The following TMEM132C variants were observed in gnomAD, a reference collection of about 807,000 sequenced individuals.
TMEM132C encodes the protein protein phosphatase 1, regulatory subunit 152.
Under a neutral mutation model 61.4 loss-of-function variants are expected in TMEM132C, and 29 were observed. That is an observed-to-expected ratio of 0.47 (90% CI 0.35 to 0.64). TMEM132C has a LOEUF of 0.64. Ranked by LOEUF, TMEM132C falls within the 30% of genes least tolerant of loss-of-function variation. The pLI is 0.00. For missense variants in TMEM132C, 1,408 were observed against 1,476.9 expected (o/e 0.95, Z 0.76); for synonymous variants, 656 against 633.1 (o/e 1.04, Z -0.54).
At chr12:128,667,948 G>A (rs891583915) in intron 4 of TMEM132C, among the ~76,000 whole-genome samples, 2 of 152,186 alleles carry the variant, frequency 1.3e-5, no homozygotes, top group South Asian at 4.1e-4. Flanking sequence ...ACAGAGGAAG[G>A]CACTTTGCTT....
At chr12:128,584,559 T>C (rs1875467337) in intron 3 of TMEM132C, among the ~76,000 whole-genome samples, 1 of 152,204 alleles carries the variant, frequency 6.6e-6, no homozygotes, top group Admixed American at 6.5e-5. Flanking sequence ...CTGCGAATGG[T>C]CTGTAGGGTT....
At chr12:128,325,016 T>C (rs1291647190) in intron 1 of TMEM132C, among the ~76,000 whole-genome samples, 1 of 152,184 alleles carries the variant, frequency 6.6e-6, no homozygotes, top group Admixed American at 6.5e-5. Flanking sequence ...TAAGTAGATC[T>C]ATATAAATTC....
At chr12:128,279,644 A>G (rs1333784919) in intron 1 of TMEM132C, among the ~76,000 whole-genome samples, 2 of 152,164 alleles carry the variant, frequency 1.3e-5, no homozygotes, top group Non-Finnish European at 2.9e-5. Context: ...GCACATGCCT[A>G]CTGTGGGGTA....
At chr12:128,667,525 A>G (rs1165309807) in intron 4 of TMEM132C, among the ~76,000 whole-genome samples, 1 of 152,246 alleles carries the variant, frequency 6.6e-6, no homozygotes, top group Non-Finnish European at 1.5e-5. Flanking sequence ...AAAGCATCAC[A>G]GAGAGGCCGA....
At chr12:128,272,814 G>T (rs548065415) in intron 1 of TMEM132C, among the ~76,000 whole-genome samples, 3 of 152,048 alleles carry the variant, frequency 2.0e-5, no homozygotes, top group African/African-American at 7.2e-5. Flanking sequence ...ATTGTCTTTG[G>T]TGAAATATCT....
At chr12:128,576,418 T>C (rs1875096774) in intron 3 of TMEM132C, among the ~76,000 whole-genome samples, 1 of 152,226 alleles carries the variant, frequency 6.6e-6, no homozygotes, top group Admixed American at 6.5e-5. Flanking sequence ...AGTTGAGTTA[T>C]ATATGTACTC....
chr12:128,549,374 G>C (rs775279906), intron 3 of TMEM132C, among the ~76,000 whole-genome samples: 1 of 152,080 alleles, frequency 6.6e-6, no homozygotes, highest in Non-Finnish European at 1.5e-5. Flanking sequence ...TGAGTGGAGG[G>C]AGTGCGTGCT....
At chr12:128,551,206 A>G (rs544818893) in intron 3 of TMEM132C, among the ~76,000 whole-genome samples, 2 of 150,020 alleles carry the variant, frequency 1.3e-5, no homozygotes. Context: ...CAGAAACATA[A>G]GAGCCCCCCC....
chr12:128,280,022 C>T (rs12320551), intron 1 of TMEM132C, among the ~76,000 whole-genome samples: 52,030 of 152,050 alleles, frequency 0.34, 9,191 homozygotes, highest in Middle Eastern at 0.41. Context: ...AGTCTGTCTT[C>T]GGCTTCTCAT....
intron 1 of TMEM132C, among the ~76,000 whole-genome samples, chr12:128,368,860 G>A (rs774818936): frequency 2.0e-4 from 31 of 152,138 alleles, no homozygotes; most frequent in Non-Finnish European, 4.1e-4. Context: ...TTAGAGGAAG[G>A]CACACCAAAG....
intron 2 of TMEM132C, among the ~76,000 whole-genome samples, chr12:128,517,878 G>A (rs1051975709): frequency 6.6e-6 from 1 of 152,178 alleles, no homozygotes; most frequent in Non-Finnish European, 1.5e-5. Flanking sequence ...TTCGTGTAAT[G>A]CCGGGGAGGA....
At chr12:128,446,549 C>A (rs1869987720) in intron 2 of TMEM132C, among the ~76,000 whole-genome samples, 1 of 152,224 alleles carries the variant, frequency 6.6e-6, no homozygotes, top group South Asian at 2.1e-4. Context: ...GTTCTTTAAT[C>A]AACTATTTAG....
intron 2 of TMEM132C, among the ~76,000 whole-genome samples, chr12:128,430,730 T>C (rs1176154889): frequency 6.6e-6 from 1 of 152,182 alleles, no homozygotes; most frequent in East Asian, 1.9e-4. Flanking sequence ...ATTATATGTG[T>C]TATGGAGATC....
chr12:128,481,148 A>G (rs1376504798), intron 2 of TMEM132C, among the ~76,000 whole-genome samples: 2 of 152,216 alleles, frequency 1.3e-5, no homozygotes, highest in Non-Finnish European at 2.9e-5. Flanking sequence ...GCCTGAATGT[A>G]TCATTGCCAG....
intron 2 of TMEM132C, among the ~76,000 whole-genome samples, chr12:128,468,833 A>G (rs1196602155): frequency 2.0e-5 from 3 of 152,360 alleles, no homozygotes; most frequent in South Asian, 2.1e-4. Flanking sequence ...CAAATGAGTC[A>G]TGGTACAGAT....
At chr12:128,543,517 C>T (rs773352115) in intron 2 of TMEM132C, among the ~76,000 whole-genome samples, 4 of 152,084 alleles carry the variant, frequency 2.6e-5, no homozygotes, top group East Asian at 3.9e-4. Flanking sequence ...TGTTTAGCTA[C>T]GTTCCTCCTT....
intron 4 of TMEM132C, among the ~76,000 whole-genome samples, chr12:128,627,476 C>A (rs1954026977): frequency 6.6e-6 from 1 of 152,234 alleles, no homozygotes; most frequent in South Asian, 2.1e-4. Flanking sequence ...TCCCTGACAG[C>A]TGGGATTTTG....
intron 1 of TMEM132C, among the ~76,000 whole-genome samples, chr12:128,352,199 A>G (rs1175489646): frequency 6.6e-6 from 1 of 152,208 alleles, no homozygotes; most frequent in Non-Finnish European, 1.5e-5. Context: ...AAGAGGTTTA[A>G]TTGACTCACA....
intron 1 of TMEM132C, among the ~76,000 whole-genome samples, chr12:128,315,723 G>A (rs759060459): frequency 6.6e-6 from 1 of 151,994 alleles, no homozygotes; most frequent in Non-Finnish European, 1.5e-5. Flanking sequence ...GTGAAGATGA[G>A]GTCATGCTGG....
Sources: allele counts gnomAD v4.1 joint callset (sites outside exome capture counted in the v4.1 genomes callset), GRCh38; gene constraint gnomAD v4.1.1; transcripts MANE v1.5; gene names NCBI Gene and HGNC (gene_info 2026-07-23, HGNC 2026-07-21).